The following PRKG1 variants were observed in gnomAD, a reference collection of about 807,000 sequenced individuals.
The protein encoded by PRKG1 is cGMP-dependent protein kinase 1.
Under a neutral mutation model 88.1 loss-of-function variants are expected in PRKG1, and 35 were observed. That is an observed-to-expected ratio of 0.40 (90% CI 0.30 to 0.53). The LOEUF (loss-of-function observed/expected upper bound fraction) is 0.53, where lower values mean the gene tolerates loss of function less well. Ranked by LOEUF, PRKG1 falls within the 20% of genes least tolerant of loss-of-function variation. PRKG1 has a pLI of 0.59. For synonymous variants in PRKG1, 303 were observed against 292.5 expected (o/e 1.04, Z -0.37); for missense variants, 540 against 839.8 (o/e 0.64, Z 4.41).
intron 2 of PRKG1, among the ~76,000 whole-genome samples, chr10:51,241,941 T>G (rs1043771467): frequency 1.5e-4 from 22 of 150,618 alleles, no homozygotes; most frequent in Non-Finnish European, 2.8e-4. Flanking sequence ...TCATTGCCAG[T>G]GGAGAATGGC....
intron 1 of PRKG1, among the ~76,000 whole-genome samples, chr10:51,082,645 A>G (rs1450285156): frequency 3.9e-5 from 6 of 151,998 alleles, no homozygotes; most frequent in Admixed American, 1.3e-4. Flanking sequence ...ACCAGGATAA[A>G]GTGTTCATCT....
At position 52,295,683 on chromosome 10, in the gene PRKG1, C is replaced by T. The variant is rs1199412688; in HGVS notation, c.*1783C>T. 1 of 151,828 alleles carries T rather than the reference C, an allele frequency of 6.6e-6. No individual in the cohort carries two copies. Among genetic ancestry groups the T allele is most frequent in the Non-Finnish European group, 1.5e-5 (1 of 67,878 alleles). The allele number at this position is 151,828 out of a possible 1,614,324, so 9.4% of individuals were successfully genotyped here. On this transcript the variant is annotated 3_prime_UTR_variant, in exon 18 of 18. Coordinates refer to ENST00000373980, the MANE Select transcript of PRKG1 (RefSeq NM_006258.4). ...TTCTTTTTAATCAATCAAACGCCTA[C>T]ATTTCTGGAAGAAAAAGTCCAATTA...
chr10:51,106,716 C>G (rs1554836628), intron 1 of PRKG1, among the ~76,000 whole-genome samples: 1 of 152,128 alleles, frequency 6.6e-6, no homozygotes, highest in Non-Finnish European at 1.5e-5. Flanking sequence ...AATAGAAAAA[C>G]AAATTAAGTT....
chr10:51,792,731 C>T (rs1246704158), intron 3 of PRKG1, among the ~76,000 whole-genome samples: 1 of 152,006 alleles, frequency 6.6e-6, no homozygotes, highest in African/African-American at 2.4e-5. Context: ...TCCATCTATC[C>T]CTGTTGCCCT....
At chr10:51,129,236 G>A (rs561430904) in intron 1 of PRKG1, among the ~76,000 whole-genome samples, 11 of 152,140 alleles carry the variant, frequency 7.2e-5, no homozygotes, top group Non-Finnish European at 1.3e-4. Flanking sequence ...AGCACTTTGG[G>A]AGGTAGAGGC....
intron 1 of PRKG1, among the ~76,000 whole-genome samples, chr10:51,013,223 A>C: frequency 6.6e-6 from 1 of 152,236 alleles, no homozygotes; most frequent in East Asian, 1.9e-4. Flanking sequence ...CCATAGAGTA[A>C]TTGTGAGAAT....
intron 2 of PRKG1, among the ~76,000 whole-genome samples, chr10:51,418,383 A>G (rs556024419): frequency 6.6e-6 from 1 of 152,304 alleles, no homozygotes; most frequent in African/African-American, 2.4e-5. Context: ...AATGGCCAAA[A>G]ATAGGCAATT....
intron 5 of PRKG1, among the ~76,000 whole-genome samples, chr10:51,934,637 C>G (rs1244523867): frequency 6.6e-6 from 1 of 152,102 alleles, no homozygotes; most frequent in African/African-American, 2.4e-5. Flanking sequence ...CTGTGATCAC[C>G]ATAGCAGAGG....
chr10:52,025,944 A>G (rs1382839139), intron 5 of PRKG1, among the ~76,000 whole-genome samples: 5 of 151,940 alleles, frequency 3.3e-5, no homozygotes, highest in Non-Finnish European at 7.4e-5. Flanking sequence ...TAGCCAAAAC[A>G]GCATGATACT....
intron 2 of PRKG1, among the ~76,000 whole-genome samples, chr10:51,406,893 A>G (rs936816104): frequency 6.6e-6 from 1 of 152,206 alleles, no homozygotes; most frequent in Non-Finnish European, 1.5e-5. Flanking sequence ...AAGGTCCCAC[A>G]ATCAGCCGTC....
chr10:51,887,643 T>C (rs1589389964), intron 4 of PRKG1, among the ~76,000 whole-genome samples: 2 of 152,198 alleles, frequency 1.3e-5, no homozygotes, highest in South Asian at 4.1e-4. Context: ...AGAAGTGAAA[T>C]TTTGTTGTGG....
Position 51,289,123 on chromosome 10 carries a change from A to G in PRKG1, c.478+135793A>G, listed in dbSNP as rs117124083. 5.5e-3 allele frequency among the ~76,000 whole-genome samples: 834 copies of G among 152,280 alleles called. 4 individuals carry two copies. The highest frequency in any genetic ancestry group is 9.7e-3 in the Non-Finnish European group (662 of 68,022). ...CATAATAAAAAGAAACATGTAGTAC[A>G]CTTGCACAGTCCAAAACAACCCATG... On this transcript the variant is annotated intron_variant, in intron 2 of 17. Transcript: ENST00000373980.
intron 9 of PRKG1, among the ~76,000 whole-genome samples, chr10:52,200,419 A>G (rs1243661402): frequency 6.6e-6 from 1 of 152,178 alleles, no homozygotes; most frequent in East Asian, 1.9e-4. Context: ...ATAATATTCC[A>G]TAGTGTATAC....
At chr10:51,907,122 G>T (rs560732919) in intron 4 of PRKG1, among the ~76,000 whole-genome samples, 18 of 152,098 alleles carry the variant, frequency 1.2e-4, no homozygotes, top group Non-Finnish European at 2.1e-4. Context: ...AGTTTTTCAG[G>T]TTTACTTTGG....
intron 2 of PRKG1, among the ~76,000 whole-genome samples, chr10:51,238,627 G>A (rs1232433292): frequency 2.7e-5 from 4 of 149,660 alleles, no homozygotes; most frequent in Admixed American, 6.7e-5. Flanking sequence ...GCTGGGTGTG[G>A]TGGTGCGCCC....
intron 9 of PRKG1, among the ~76,000 whole-genome samples, chr10:52,232,123 T>G (rs1446006099): frequency 6.6e-6 from 1 of 151,944 alleles, no homozygotes; most frequent in African/African-American, 2.4e-5. Context: ...GCCAATATGG[T>G]GAAACCCCAT....
At chr10:51,849,762 C>A (rs1347665623) in intron 4 of PRKG1, among the ~76,000 whole-genome samples, 3 of 152,070 alleles carry the variant, frequency 2.0e-5, no homozygotes, top group African/African-American at 7.2e-5. Flanking sequence ...AATATTATCA[C>A]TTATTTTATA....
At chr10:51,622,514 A>G (rs1449985273) in intron 3 of PRKG1, among the ~76,000 whole-genome samples, 2 of 152,212 alleles carry the variant, frequency 1.3e-5, no homozygotes, top group Admixed American at 1.3e-4. Flanking sequence ...GCTTTCTATG[A>G]CAGTTCCAGG....
chr10:51,166,921 CT>C (rs927491993), intron 2 of PRKG1, among the ~76,000 whole-genome samples: 1 of 152,072 alleles, frequency 6.6e-6, no homozygotes, highest in African/African-American at 2.4e-5. Context: ...AATGAACTTC[CT>C]TTTGCAATAT....
Sources: gnomAD v4.1 joint callset for allele counts (sites outside exome capture counted in the v4.1 genomes callset) on GRCh38, gnomAD v4.1.1 for gene constraint, MANE v1.5 for transcripts, NCBI Gene and HGNC (gene_info 2026-07-23, HGNC 2026-07-21) for gene names.